KCNH1: variants seen among roughly 807,000 people sequenced by gnomAD.
KCNH1 encodes the protein voltage-gated delayed rectifier potassium channel KCNH1.
KCNH1 carries 27 observed loss-of-function variants against 69.2 expected under a neutral mutation model. That is an observed-to-expected ratio of 0.39 (90% CI 0.29 to 0.54). The LOEUF (loss-of-function observed/expected upper bound fraction) is 0.54. Among genes scored for constraint, KCNH1 ranks in the 20% least tolerant of loss-of-function variants. KCNH1 has a pLI of 0.68. For synonymous variants in KCNH1, 456 were observed against 487.7 expected (o/e 0.93, Z 0.86); for missense variants, 798 against 1,261.6 (o/e 0.63, Z 5.57).
chr1:210,810,478 C>T (rs1348557131), intron 7 of KCNH1, among the ~76,000 whole-genome samples: 1 of 152,098 alleles, frequency 6.6e-6, no homozygotes, highest in African/African-American at 2.4e-5. Context: ...TTCTTCCCCT[C>T]CATTTCTATA....
intron 7 of KCNH1, chr1:210,862,272 G>T: frequency 2.0e-6 from 2 of 994,314 alleles, no homozygotes; most frequent in Non-Finnish European, 3.2e-6. Flanking sequence ...CGATAATGGT[G>T]TTGGGGTCCA....
intron 5 of KCNH1, among the ~76,000 whole-genome samples, chr1:211,053,128 G>C (rs2102442473): frequency 6.6e-6 from 1 of 152,324 alleles, no homozygotes; most frequent in East Asian, 1.9e-4. Flanking sequence ...CTTGTGATTA[G>C]ATAGGCAGTG....
intron 6 of KCNH1, among the ~76,000 whole-genome samples, chr1:210,995,251 C>G (rs1379632779): frequency 2.0e-5 from 3 of 152,130 alleles, no homozygotes. Context: ...CTGCCTTTTG[C>G]CATTCTTCCT....
intron 6 of KCNH1, among the ~76,000 whole-genome samples, chr1:210,931,842 T>TAA (rs35667592): frequency 4.8e-4 from 68 of 141,824 alleles, no homozygotes; most frequent in South Asian, 1.1e-3. Flanking sequence ...GTGAACGAAA[T>TAA]AAAAAAAAAA....
intron 7 of KCNH1, among the ~76,000 whole-genome samples, chr1:210,842,813 G>A (rs1685438930): frequency 6.6e-6 from 1 of 151,698 alleles, no homozygotes; most frequent in Non-Finnish European, 1.5e-5. Flanking sequence ...AGCTAAAGTT[G>A]TTTTTTTTCA....
chr1:210,749,950 C>A (rs1415984140), intron 10 of KCNH1, among the ~76,000 whole-genome samples: 1 of 152,128 alleles, frequency 6.6e-6, no homozygotes, highest in Non-Finnish European at 1.5e-5. Context: ...ATCATGCTGG[C>A]CAGGCTGGTC....
At chr1:210,864,920 C>G (rs921842615) in intron 7 of KCNH1, among the ~76,000 whole-genome samples, 5 of 152,154 alleles carry the variant, frequency 3.3e-5, no homozygotes, top group African/African-American at 1.2e-4. Flanking sequence ...AGCTGGAACA[C>G]CTATACATGG....
In KCNH1 at chr1:210,716,081, G is replaced by A. The variant is rs144931741; in HGVS notation, c.2113-31943C>T. ...TGCCCTGCTCTTGCCCCCTCCCCCC[G>A]CCATTTCTACTCAGTTATATTCCAT... On this transcript the variant is annotated intron_variant, in intron 10 of 10. Transcript: ENST00000271751. Among the ~76,000 whole-genome samples the A allele has an allele frequency of 1.8e-3, 273 of 152,044 alleles. 1 individual carries two copies. The highest frequency in any genetic ancestry group is 5.9e-3 in the African/African-American group (245 of 41,450).
At chr1:210,697,479 G>A (rs747133361) in intron 10 of KCNH1, among the ~76,000 whole-genome samples, 22 of 152,198 alleles carry the variant, frequency 1.4e-4, no homozygotes, top group Admixed American at 9.8e-4. Context: ...CTTTCTCGCA[G>A]GCCTGCAAGA....
At chr1:210,834,610 A>T (rs1396851291) in intron 7 of KCNH1, among the ~76,000 whole-genome samples, 2 of 150,348 alleles carry the variant, frequency 1.3e-5, no homozygotes, top group Non-Finnish European at 3.0e-5. Context: ...GGTGAAGTGC[A>T]CCAGCATGTC....
At chr1:210,854,334 A>C (rs1685782606) in intron 7 of KCNH1, among the ~76,000 whole-genome samples, 1 of 152,224 alleles carries the variant, frequency 6.6e-6, no homozygotes, top group Non-Finnish European at 1.5e-5. Context: ...CTCAGAGAAC[A>C]AATTGCTTCA....
intron 9 of KCNH1, among the ~76,000 whole-genome samples, chr1:210,785,877 A>G (rs544074766): frequency 6.6e-6 from 1 of 152,268 alleles, no homozygotes; most frequent in Non-Finnish European, 1.5e-5. Flanking sequence ...CCCGCATAGG[A>G]AGAGGGTTGT....
At chr1:210,935,629 T>C (rs1387529875) in intron 6 of KCNH1, among the ~76,000 whole-genome samples, 4 of 152,248 alleles carry the variant, frequency 2.6e-5, no homozygotes, top group African/African-American at 9.6e-5. Context: ...TGAACGGTTA[T>C]GTGCCAATTA....
At chr1:210,904,887 A>T (rs1000744745) in intron 7 of KCNH1, among the ~76,000 whole-genome samples, 17 of 152,178 alleles carry the variant, frequency 1.1e-4, no homozygotes, top group African/African-American at 4.1e-4. Context: ...TCAGAAAAGA[A>T]CACCTAGCTT....
At chr1:210,984,286 C>T (rs6663672) in intron 6 of KCNH1, among the ~76,000 whole-genome samples, 36,051 of 151,944 alleles carry the variant, frequency 0.24, 5,851 homozygotes, top group African/African-American at 0.45. Flanking sequence ...GCCTGATTGC[C>T]CTGGCCAGAA....
chr1:210,918,935 T>A (rs1212466596), intron 7 of KCNH1: 1 of 152,218 alleles, frequency 6.6e-6, no homozygotes, highest in African/African-American at 2.4e-5. Flanking sequence ...AAAATACAAT[T>A]AATGAGATGT....
intron 7 of KCNH1, among the ~76,000 whole-genome samples, chr1:210,867,982 T>C (rs1464593674): frequency 2.0e-5 from 3 of 152,046 alleles, no homozygotes; most frequent in Non-Finnish European, 4.4e-5. Flanking sequence ...ATATACAAGT[T>C]TTTGTGTGAA....
intron 6 of KCNH1, among the ~76,000 whole-genome samples, chr1:210,985,667 T>A (rs907700576): frequency 7.2e-5 from 11 of 152,218 alleles, no homozygotes; most frequent in Non-Finnish European, 1.5e-4. Flanking sequence ...ATAATTTCTG[T>A]TCTTTTACAT....
intron 7 of KCNH1, among the ~76,000 whole-genome samples, chr1:210,892,985 G>T (rs1437407369): frequency 3.9e-5 from 6 of 152,154 alleles, no homozygotes; most frequent in Non-Finnish European, 7.4e-5. Context: ...AGCCTTGGGA[G>T]GGATACTGAT....
Sources: allele counts gnomAD v4.1 joint callset (sites outside exome capture counted in the v4.1 genomes callset), GRCh38; gene constraint gnomAD v4.1.1; transcripts MANE v1.5; gene names NCBI Gene and HGNC (gene_info 2026-07-23, HGNC 2026-07-21).